The following LARGE1 variants were observed in gnomAD, a reference collection of about 807,000 sequenced individuals.
LARGE1 encodes LARGE xylosyl- and glucuronyltransferase 1.
LARGE1 carries 43 observed loss-of-function variants against 87.6 expected under a neutral mutation model. That is an observed-to-expected ratio of 0.49 (90% CI 0.38 to 0.63). The LOEUF (loss-of-function observed/expected upper bound fraction) is 0.63, where lower values mean the gene tolerates loss of function less well. Among genes scored for constraint, LARGE1 ranks in the 30% least tolerant of loss-of-function variants. The probability of loss-of-function intolerance (pLI) is 0.00; values close to 1 mark genes in which losing one functional copy is unlikely to be tolerated. For synonymous variants in LARGE1, 434 were observed against 394.6 expected, an observed-to-expected ratio of 1.10 and a Z score of -1.18; for missense variants, 802 against 1,000.2, an observed-to-expected ratio of 0.80 and a Z score of 2.67.
intron 2 of LARGE1, among the ~76,000 whole-genome samples, chr22:33,657,512 T>C (rs1248434081): frequency 6.6e-6 from 1 of 152,184 alleles, no homozygotes; most frequent in Non-Finnish European, 1.5e-5. Context: ...ACTGCCATTG[T>C]AGCATAAAAG....
intron 11 of LARGE1, among the ~76,000 whole-genome samples, chr22:33,231,794 C>T (rs1328296573): frequency 6.6e-6 from 1 of 152,188 alleles, no homozygotes; most frequent in African/African-American, 2.4e-5. Flanking sequence ...ACTTTCATCA[C>T]TTTACTTTTG....
At chr22:33,872,522 AC>A (rs1351316262) in intron 1 of LARGE1, among the ~76,000 whole-genome samples, 3 of 150,580 alleles carry the variant, frequency 2.0e-5, no homozygotes, top group African/African-American at 7.4e-5. Flanking sequence ...CAACACCGCC[AC>A]CCCCCCAGCG....
At chr22:33,128,568 A>G in the LARGE1 span, among the ~76,000 whole-genome samples, 56,421 of 151,732 alleles carry the variant, frequency 0.37, 10,662 homozygotes, top group South Asian at 0.46. Flanking sequence ...CCAGCTACTC[A>G]AGAGGCTGAG....
Position 33,509,165 on chromosome 22 carries a change from C to G in LARGE1, c.787+55683G>C, listed in dbSNP as rs954557625. Among the ~76,000 whole-genome samples, 7 of 152,166 alleles carry G rather than the reference C, an allele frequency of 4.6e-5. No individual in the cohort carries two copies. The East Asian group carries it at 1.3e-3, about 29-fold the overall frequency. ...ATTATAATCACTGAGGGCCCCACCC[C>G]TAGGGTTACTGATTTAGTATGCCTG... On this transcript the variant is annotated intron_variant, in intron 6 of 14. Coordinates refer to ENST00000397394, the MANE Select transcript of LARGE1 (RefSeq NM_133642.5).
At chr22:33,610,862 T>C (rs148169939) in intron 4 of LARGE1, among the ~76,000 whole-genome samples, 1 of 152,304 alleles carries the variant, frequency 6.6e-6, no homozygotes, top group Non-Finnish European at 1.5e-5. Context: ...AAAAGGCTGC[T>C]CTTTGCATTG....
the LARGE1 span, among the ~76,000 whole-genome samples, chr22:33,111,625 A>G: frequency 6.6e-6 from 1 of 152,192 alleles, no homozygotes. Flanking sequence ...AAAAAACGTC[A>G]TGGCAACAAA....
chr22:33,416,993 G>A (rs1233496390), intron 7 of LARGE1, among the ~76,000 whole-genome samples: 4 of 141,538 alleles, frequency 2.8e-5, no homozygotes, highest in Admixed American at 7.6e-5. Flanking sequence ...TGCAACCTCC[G>A]CCTCCCGGGT....
At chr22:33,509,366 C>A (rs1006315732) in intron 6 of LARGE1, among the ~76,000 whole-genome samples, 1 of 152,190 alleles carries the variant, frequency 6.6e-6, no homozygotes, top group Non-Finnish European at 1.5e-5. Context: ...GCAACAAAAA[C>A]AATTGTCTTG....
intron 2 of LARGE1, among the ~76,000 whole-genome samples, chr22:33,697,036 C>G (rs1448541529): frequency 2.0e-5 from 3 of 152,048 alleles, no homozygotes; most frequent in East Asian, 1.9e-4. Context: ...ATCTTGGACT[C>G]TGTTGTGAAA....
intron 13 of LARGE1, among the ~76,000 whole-genome samples, chr22:33,278,921 T>C (rs1929890930): frequency 6.6e-6 from 1 of 152,126 alleles, no homozygotes; most frequent in African/African-American, 2.4e-5. Context: ...GGTTTCACCA[T>C]GTTGGCCAGG....
At chr22:33,182,444 T>C (rs1459265808) in intron 11 of LARGE1, among the ~76,000 whole-genome samples, 1 of 152,188 alleles carries the variant, frequency 6.6e-6, no homozygotes, top group Non-Finnish European at 1.5e-5. Flanking sequence ...CATGATTGAT[T>C]TTCAACAAGG....
At chr22:33,152,871 A>AT in the LARGE1 span, among the ~76,000 whole-genome samples, 3 of 151,836 alleles carry the variant, frequency 2.0e-5, no homozygotes, top group Admixed American at 6.6e-5. Context: ...TTTTGTTATT[A>AT]TTTTTTATCT....
chr22:33,500,678 T>C (rs779667678), intron 6 of LARGE1, among the ~76,000 whole-genome samples: 9 of 152,286 alleles, frequency 5.9e-5, no homozygotes, highest in East Asian at 1.9e-4. Context: ...TGTGTCCTCA[T>C]CCATAAAATG....
chr22:33,644,149 G>A (rs1465496037), intron 3 of LARGE1, among the ~76,000 whole-genome samples: 1 of 152,180 alleles, frequency 6.6e-6, no homozygotes, highest in African/African-American at 2.4e-5. Context: ...GAACATCAAT[G>A]TGAAAATCCT....
intron 6 of LARGE1, among the ~76,000 whole-genome samples, chr22:33,443,105 T>C (rs758256133): frequency 3.1e-4 from 47 of 152,190 alleles, no homozygotes; most frequent in Non-Finnish European, 6.5e-4. Flanking sequence ...GATTGCTTTC[T>C]ATGCATCATC....
chr22:33,461,929 T>C (rs1000532124), intron 6 of LARGE1, among the ~76,000 whole-genome samples: 5 of 152,170 alleles, frequency 3.3e-5, no homozygotes, highest in African/African-American at 1.2e-4. Flanking sequence ...CCCTCCATGT[T>C]GATGTGTGAC....
At chr22:33,805,026 C>T (rs912980010) in intron 1 of LARGE1, among the ~76,000 whole-genome samples, 2 of 152,218 alleles carry the variant, frequency 1.3e-5, no homozygotes, top group African/African-American at 4.8e-5. Context: ...AATGTTCTCT[C>T]CCAAGCTTGT....
At chr22:33,565,401 G>C (rs756632564) in intron 5 of LARGE1, among the ~76,000 whole-genome samples, 3 of 152,178 alleles carry the variant, frequency 2.0e-5, no homozygotes, top group Admixed American at 6.5e-5. Flanking sequence ...TTTGCAACCA[G>C]TATCAAATTG....
chr22:33,351,771 A>G (rs1940403915), intron 9 of LARGE1, among the ~76,000 whole-genome samples: 1 of 144,662 alleles, frequency 6.9e-6, no homozygotes, highest in African/African-American at 2.5e-5. Context: ...TTTTTTTTTG[A>G]GACAGAGTCA....
Sources: gnomAD v4.1 joint callset for allele counts (sites outside exome capture counted in the v4.1 genomes callset) on GRCh38, gnomAD v4.1.1 for gene constraint, MANE v1.5 for transcripts, NCBI Gene and HGNC (gene_info 2026-07-23, HGNC 2026-07-21) for gene names.